MAPK8IP3: variants seen among roughly 807,000 people sequenced by gnomAD.
MAPK8IP3 encodes mitogen-activated protein kinase 8 interacting protein 3.
A neutral mutation model predicts 157.8 loss-of-function variants in MAPK8IP3; 49 were observed. That is an observed-to-expected ratio of 0.31 (90% CI 0.25 to 0.39). MAPK8IP3 has a LOEUF of 0.39. MAPK8IP3 is among the 10% of genes least tolerant of loss of function. The pLI, the probability that MAPK8IP3 is intolerant of heterozygous loss-of-function variation, is 1.00. For missense variants in MAPK8IP3, 1,478 were observed against 1,889.4 expected (o/e 0.78, Z 4.04); for synonymous variants, 897 against 777.7 (o/e 1.15, Z -2.55).
At chr16:1,762,254 C>T (rs2041996161) in intron 13 of MAPK8IP3, 97 bp from the exon 14 acceptor site, 1 of 1,417,672 alleles carries the variant, frequency 7.1e-7, no homozygotes, top group Non-Finnish European at 9.3e-7. Context: ...AGGAAATTGG[C>T]ACTGAGATCC....
chr16:1,727,175 C>T (rs907642621), intron 2 of MAPK8IP3, among the ~76,000 whole-genome samples: 1 of 145,224 alleles, frequency 6.9e-6, no homozygotes, highest in African/African-American at 2.6e-5. Flanking sequence ...CTGTGAGTGT[C>T]GTGTGCTGTG....
chr16:1,748,029 G>A (rs1445091872), intron 6 of MAPK8IP3, among the ~76,000 whole-genome samples: 1 of 152,190 alleles, frequency 6.6e-6, no homozygotes, highest in African/African-American at 2.4e-5. Flanking sequence ...AGAGGCTGCT[G>A]CAACCCACCC....
intron 8 of MAPK8IP3, 98 bp downstream of exon 8, chr16:1,748,818 T>C: frequency 9.0e-7 from 1 of 1,105,822 alleles, no homozygotes; most frequent in Non-Finnish European, 1.4e-6. Context: ...CTCTGTCAGC[T>C]GTGAGCTAGG....
chr16:1,721,688 G>T (rs774804697), intron 1 of MAPK8IP3, among the ~76,000 whole-genome samples: 1 of 152,140 alleles, frequency 6.6e-6, no homozygotes, highest in South Asian at 2.1e-4. Flanking sequence ...CAATCCACTC[G>T]CCTCGGCCTC....
At chr16:1,728,041 C>T (rs1192062784) in intron 2 of MAPK8IP3, among the ~76,000 whole-genome samples, 2 of 152,250 alleles carry the variant, frequency 1.3e-5, no homozygotes, top group Non-Finnish European at 2.9e-5. Flanking sequence ...GTCAGCCCTC[C>T]CCATTGGTGG....
chr16:1,727,654 G>A (rs1183876298), intron 2 of MAPK8IP3, among the ~76,000 whole-genome samples: 3 of 152,192 alleles, frequency 2.0e-5, no homozygotes, highest in Non-Finnish European at 4.4e-5. Flanking sequence ...CGTGTCAGGT[G>A]TGATGTCTGT....
chr16:1,728,737 G>A (rs1412944341), intron 2 of MAPK8IP3, among the ~76,000 whole-genome samples: 1 of 139,514 alleles, frequency 7.2e-6, no homozygotes, highest in Non-Finnish European at 1.5e-5. Context: ...CTCGCACAAC[G>A]CACGCAGCAG....
At chr16:1,733,161 A>G (rs1379438750) in intron 4 of MAPK8IP3, among the ~76,000 whole-genome samples, 1 of 152,164 alleles carries the variant, frequency 6.6e-6, no homozygotes, top group African/African-American at 2.4e-5. Flanking sequence ...GAGCTGCAGC[A>G]TTCCAGAACC....
In MAPK8IP3 at chr16:1,743,274, G is replaced by A; in HGVS notation, c.603-58G>A. On this transcript the variant is annotated intron_variant, in intron 4 of 31. Transcript: ENST00000610761. The surrounding 1 kb of genome is among the most constrained non-coding windows in gnomAD (Gnocchi z 5.6). ...GTCTGCTTGCCCTGGGAGGGCTTGG[G>A]AAATCTTCACGGCCACCCTCTAACC... The A allele has an allele frequency of 3.4e-6, 5 of 1,478,486 alleles. No individual in the cohort carries two copies. The highest frequency in any genetic ancestry group is 4.5e-6 in the Non-Finnish European group (5 of 1,120,652). The allele number at this position is 1,478,486 out of a possible 1,614,324, so 91.6% of individuals were successfully genotyped here. A position where few individuals can be genotyped will look rare whatever the true frequency, so the allele number is the denominator to read the frequency against.
rs371211340 is a variant in MAPK8IP3 at position 1,767,276 on chromosome 16, G to A, written c.3216G>A (p.Gln1072=). 11 of 1,613,166 alleles carry A rather than the reference G, an allele frequency of 6.8e-6. No homozygotes were observed. In the African/African-American group the frequency reaches 1.1e-4, roughly 16 times the overall value. The part of the protein sequence containing the change: ...CGYKNKVHVI[Q]PKTMQIEKSF... ...ACAAGAACAAGGTGCACGTCATCCAGCCCAAGACCATGCAGATAGAGGCGA... is the reference window on the plus strand; with the variant it reads ...ACAAGAACAAGGTGCACGTCATCCAACCCAAGACCATGCAGATAGAGGCGA... Residue 1072 remains glutamine, a synonymous_variant, in exon 26 of 32, where the codon CAG becomes CAA. Transcript: ENST00000610761.
chr16:1,711,942 CAAAAAAAA>C (rs751305952), intron 1 of MAPK8IP3, among the ~76,000 whole-genome samples: 1 of 52,494 alleles, frequency 1.9e-5, no homozygotes, highest in Non-Finnish European at 3.9e-5. Context: ...GACTCCGTCT[CAAAAAAAA>C]AAAAAAAGAA....
Position 1,706,769 on chromosome 16 carries a change from G to T in MAPK8IP3, c.318+112G>T. 8.4e-7 allele frequency: 1 copy of T among 1,190,088 alleles called. No individual in the cohort carries two copies. Among genetic ancestry groups the T allele is most frequent in the South Asian group, 1.7e-5 (1 of 59,912 alleles). The allele number at this position is 1,190,088 out of a possible 1,614,324, so 73.7% of individuals were successfully genotyped here. On this transcript the variant is annotated intron_variant, in intron 1 of 31. Coordinates refer to ENST00000610761, the MANE Select transcript of MAPK8IP3 (RefSeq NM_001318852.2). This position sits in a 1 kb window ranked among gnomAD's most constrained non-coding sequence, Gnocchi z 5.1. The stretch of plus-strand genomic sequence containing the variant: ...AGACCCCGCTCCGGCACCCCGGACC[G>T]CGGGACCCCTGGACCCCCAGACCCC...
intron 6 of MAPK8IP3, 124 bp from the exon 7 acceptor site, chr16:1,748,120 T>C: frequency 1.4e-6 from 1 of 696,258 alleles, no homozygotes; most frequent in Non-Finnish European, 2.5e-6. Context: ...TGTTTTCTGA[T>C]CATCCCCACC....
intron 1 of MAPK8IP3, among the ~76,000 whole-genome samples, chr16:1,717,762 A>G (rs905670124): frequency 3.3e-5 from 5 of 151,972 alleles, no homozygotes; most frequent in African/African-American, 1.2e-4. Context: ...TTAAAACTTT[A>G]TTTTTCTCAG....
chr16:1,718,823 G>C (rs1000186937), intron 1 of MAPK8IP3, among the ~76,000 whole-genome samples: 16 of 150,790 alleles, frequency 1.1e-4, no homozygotes, highest in Non-Finnish European at 2.1e-4. Context: ...TCCACCCCCA[G>C]AAGCCCCATC....
intron 4 of MAPK8IP3, 69 bp downstream of exon 4, chr16:1,729,647 A>AT: frequency 7.1e-7 from 1 of 1,415,868 alleles, no homozygotes; most frequent in Non-Finnish European, 9.7e-7. Context: ...GACGCGGCAC[A>AT]TGCCAGGGTC....
Position 1,706,760 on chromosome 16 carries a change from C to T in MAPK8IP3, c.318+103C>T, listed in dbSNP as rs1596521559. On this transcript the variant is annotated intron_variant, in intron 1 of 31. Transcript: ENST00000610761. The surrounding 1 kb of genome is among the most constrained non-coding windows in gnomAD (Gnocchi z 5.1). The stretch of plus-strand genomic sequence containing the variant: ...CCCGACCCCAGACCCCGCTCCGGCA[C>T]CCCGGACCGCGGGACCCCTGGACCC... 1 of 1,284,148 alleles carries T rather than the reference C, an allele frequency of 7.8e-7. No individual in the cohort carries two copies. The allele number at this position is 1,284,148 out of a possible 1,614,324, so 79.5% of individuals were successfully genotyped here.
chr16:1,749,069 A>T (rs1221558110), intron 8 of MAPK8IP3, among the ~76,000 whole-genome samples: 1 of 152,220 alleles, frequency 6.6e-6, no homozygotes, highest in East Asian at 1.9e-4. Context: ...TAATGACAGG[A>T]AAAAAGTGTA....
chr16:1,755,571 G>A (rs1005454129), intron 8 of MAPK8IP3, among the ~76,000 whole-genome samples: 1 of 152,200 alleles, frequency 6.6e-6, no homozygotes, highest in Non-Finnish European at 1.5e-5. Context: ...AAAAGGGGCC[G>A]GGTGCGGTGG....
Sources: allele counts gnomAD v4.1 joint callset (sites outside exome capture counted in the v4.1 genomes callset), GRCh38; gene constraint gnomAD v4.1.1; non-coding constraint Gnocchi (gnomAD v3.1); transcripts MANE v1.5; gene names NCBI Gene and HGNC (gene_info 2026-07-23, HGNC 2026-07-21).